The following EMSY variants were observed in gnomAD, a reference collection of about 807,000 sequenced individuals.
EMSY encodes the protein EMSY transcriptional repressor, BRCA2 interacting.
A neutral mutation model predicts 134.6 loss-of-function variants in EMSY; 26 were observed. The ratio of observed to expected loss-of-function variants is 0.19; its 90% CI spans 0.14 to 0.27. EMSY has a LOEUF of 0.27. Ranked by LOEUF, EMSY falls within the 10% of genes least tolerant of loss-of-function variation. EMSY has a pLI of 1.00. For synonymous variants in EMSY, 579 were observed against 577.8 expected, an observed-to-expected ratio of 1.00 and a Z score of -0.03; for missense variants, 1,305 against 1,611.4, an observed-to-expected ratio of 0.81 and a Z score of 3.26.
chr11:76,535,264 G>A (rs1306763658), intron 14 of EMSY, among the ~76,000 whole-genome samples: 1 of 152,118 alleles, frequency 6.6e-6, no homozygotes, highest in Non-Finnish European at 1.5e-5. Context: ...AATTGATGTA[G>A]TTGGGGCTAT....
At chr11:76,472,456 T>G in intron 7 of EMSY, 108 bp from the exon 9 acceptor site, 1 of 1,074,630 alleles carries the variant, frequency 9.3e-7, no homozygotes, top group Non-Finnish European at 1.3e-6. Flanking sequence ...GTTGAATTGC[T>G]TCTTCGTTTT....
intron 15 of EMSY, 132 bp downstream of exon 16, chr11:76,536,191 C>T (rs1951219835): frequency 5.0e-6 from 3 of 599,590 alleles, no homozygotes; most frequent in South Asian, 1.5e-4. Flanking sequence ...AGCACATTTC[C>T]CCCCTCTGGA....
intron 4 of EMSY, among the ~76,000 whole-genome samples, chr11:76,456,120 C>A (rs1005391433): frequency 2.6e-5 from 4 of 152,130 alleles, no homozygotes; most frequent in South Asian, 2.1e-4. Context: ...ACTAAAGTAT[C>A]TCAGTGAAGC....
chr11:76,538,687 G>A (rs961236985), intron 16 of EMSY, among the ~76,000 whole-genome samples: 1 of 152,232 alleles, frequency 6.6e-6, no homozygotes, highest in Non-Finnish European at 1.5e-5. Flanking sequence ...GCCAGATGCA[G>A]TGGCTCACGC....
At chr11:76,488,426 C>G (rs1265852215) in intron 8 of EMSY, among the ~76,000 whole-genome samples, 1 of 152,126 alleles carries the variant, frequency 6.6e-6, no homozygotes, top group African/African-American at 2.4e-5. Flanking sequence ...ATGATTGTGC[C>G]ACTGCACTCT....
chr11:76,484,508 T>C (rs1325483451), intron 8 of EMSY, among the ~76,000 whole-genome samples: 1 of 151,996 alleles, frequency 6.6e-6, no homozygotes, highest in African/African-American at 2.4e-5. Flanking sequence ...TGCTAGCCAG[T>C]CTAATAAAGA....
chr11:76,476,036 T>A (rs547739327), intron 8 of EMSY, among the ~76,000 whole-genome samples: 1 of 152,344 alleles, frequency 6.6e-6, no homozygotes, highest in African/African-American at 2.4e-5. Context: ...GTTGAAGAAA[T>A]AACTAATTTT....
chr11:76,548,129 C>T (rs906668803), intron 20 of EMSY, among the ~76,000 whole-genome samples: 3 of 152,134 alleles, frequency 2.0e-5, no homozygotes, highest in Non-Finnish European at 4.4e-5. Flanking sequence ...AGCACCTAGT[C>T]AAGTGTCTGT....
At chr11:76,546,286 A>G (rs755335365) in exon 20 of EMSY, 5 of 1,608,304 alleles carry the variant, frequency 3.1e-6, no homozygotes, top group Non-Finnish European at 4.2e-6. Flanking sequence ...TCCAGCAGAA[A>G]TTATCATCCA....
intron 16 of EMSY, among the ~76,000 whole-genome samples, chr11:76,538,980 A>C (rs1190623781): frequency 6.6e-6 from 1 of 152,172 alleles, no homozygotes; most frequent in Non-Finnish European, 1.5e-5. Flanking sequence ...AAAACAAGCC[A>C]AAAAACCCTT....
intron 9 of EMSY, among the ~76,000 whole-genome samples, chr11:76,510,953 T>G (rs1322133804): frequency 1.3e-5 from 2 of 152,192 alleles, no homozygotes; most frequent in African/African-American, 4.8e-5. Context: ...GAGATTTTAT[T>G]GAGTAGATGT....
At chr11:76,478,673 A>T (rs1344241590) in intron 8 of EMSY, among the ~76,000 whole-genome samples, 1 of 151,894 alleles carries the variant, frequency 6.6e-6, no homozygotes, top group African/African-American at 2.4e-5. Flanking sequence ...TTGGAATAAA[A>T]AGTTCATATT....
chr11:76,463,843 T>C, exon 7 of EMSY: 1 of 1,614,156 alleles, frequency 6.2e-7, no homozygotes, highest in South Asian at 1.1e-5. Flanking sequence ...CAGATGAAGA[T>C]GAAAAACCCA....
intron 8 of EMSY, among the ~76,000 whole-genome samples, chr11:76,487,847 T>G (rs1949252270): frequency 6.6e-6 from 1 of 152,272 alleles, no homozygotes; most frequent in African/African-American, 2.4e-5. Context: ...GAAACACTTA[T>G]GATCCCAAAG....
At chr11:76,540,155 T>C (rs538938682) in intron 17 of EMSY, among the ~76,000 whole-genome samples, 140 of 152,244 alleles carry the variant, frequency 9.2e-4, no homozygotes, top group Middle Eastern at 3.4e-3. Context: ...CACTTCTTAA[T>C]AAAAAAATGC....
chr11:76,526,290 T>G (rs1399907439), intron 12 of EMSY, among the ~76,000 whole-genome samples, 172 bp from the exon 14 acceptor site: 3 of 152,236 alleles, frequency 2.0e-5, no homozygotes, highest in African/African-American at 7.2e-5. Flanking sequence ...TGACTTTCTA[T>G]ATCATTTCAA....
At chr11:76,542,231 A>C (rs1471856336) in exon 18 of EMSY, 1 of 1,614,188 alleles carries the variant, frequency 6.2e-7, no homozygotes, top group South Asian at 1.1e-5. Context: ...CATCGCTCCC[A>C]GCCCCAACAG....
intron 2 of EMSY, among the ~76,000 whole-genome samples, chr11:76,449,809 G>C (rs1172337926): frequency 6.6e-6 from 1 of 152,082 alleles, no homozygotes; most frequent in Non-Finnish European, 1.5e-5. Flanking sequence ...TATTTCTTAG[G>C]TGCCTTGTTG....
At chr11:76,516,307 T>A (rs2136167463) in exon 11 of EMSY, 1 of 1,604,802 alleles carries the variant, frequency 6.2e-7, no homozygotes. Context: ...AGTAATATAG[T>A]TTCTGGTAGG....
Sources: allele counts gnomAD v4.1 joint callset (sites outside exome capture counted in the v4.1 genomes callset), GRCh38; gene constraint gnomAD v4.1.1; transcripts MANE v1.5; gene names NCBI Gene and HGNC (gene_info 2026-07-23, HGNC 2026-07-21).